Variants in FANCC observed in about 807,000 individuals in gnomAD.
FANCC encodes FA complementation group C, also known as Fanconi anemia group C protein.
In FANCC, 55 loss-of-function variants were observed where a neutral mutation model predicts 71.3. The ratio of observed to expected loss-of-function variants is 0.77; its 90% CI spans 0.62 to 0.97. FANCC has a LOEUF of 0.97. Among genes scored for constraint, FANCC ranks in the 50% least tolerant of loss-of-function variants. The pLI, the probability that FANCC is intolerant of heterozygous loss-of-function variation, is 0.00. For missense variants in FANCC, 678 were observed against 670.9 expected, an observed-to-expected ratio of 1.01 and a Z score of -0.12; for synonymous variants, 275 against 244.9, an observed-to-expected ratio of 1.12 and a Z score of -1.15.
rs920732404 is a variant in FANCC, at chr9:95,210,450, A to G, written c.345+30199T>C. On this transcript the variant is annotated intron_variant, in intron 4 of 14. Transcript: ENST00000289081. The stretch of plus-strand genomic sequence containing the variant: ...TTAATCAGAAACTCAGTTCCCTAAC[A>G]ATGACAATCACAATGACAATAATTA... Among the ~76,000 whole-genome samples, 21 of 152,332 alleles carry G rather than the reference A, an allele frequency of 1.4e-4. No homozygotes were observed. The South Asian group carries it at 1.4e-3, about 11-fold the overall frequency.
At chr9:95,126,492 T>C (rs774121246) in intron 9 of FANCC, 37 bp downstream of exon 9, 58 of 1,594,542 alleles carry the variant, frequency 3.6e-5, no homozygotes, top group Non-Finnish European at 5.0e-5. Context: ...GGAACCTTTT[T>C]TACATCAATT....
intron 1 of FANCC, among the ~76,000 whole-genome samples, chr9:95,282,797 A>C (rs2136274167): frequency 6.6e-6 from 1 of 152,310 alleles, no homozygotes; most frequent in Middle Eastern, 3.4e-3. Flanking sequence ...AAAACTTTAC[A>C]AATACATAGA....
chr9:95,292,459 G>A (rs573472152), intron 1 of FANCC: 53 of 1,274,876 alleles, frequency 4.2e-5, no homozygotes, highest in Non-Finnish European at 4.7e-5. Flanking sequence ...GTGCCCCCGG[G>A]ACCCCGACTG....
At chr9:95,191,834 C>T (rs1827135193) in intron 4 of FANCC, among the ~76,000 whole-genome samples, 1 of 152,128 alleles carries the variant, frequency 6.6e-6, no homozygotes, top group African/African-American at 2.4e-5. Context: ...CTGGATAGGT[C>T]TGCTTCTCTC....
intron 1 of FANCC, among the ~76,000 whole-genome samples, chr9:95,273,796 C>T (rs927163881): frequency 3.9e-5 from 6 of 152,146 alleles, no homozygotes; most frequent in South Asian, 2.1e-4. Context: ...TAGTTTTCTA[C>T]GGGGTCAGTT....
At chr9:95,281,831 T>C (rs1833400377) in intron 1 of FANCC, among the ~76,000 whole-genome samples, 1 of 151,878 alleles carries the variant, frequency 6.6e-6, no homozygotes, top group South Asian at 2.1e-4. Context: ...AAAGTTGCTA[T>C]CAGTGTAAAA....
At chr9:95,261,847 T>C (rs923264585) in intron 1 of FANCC, among the ~76,000 whole-genome samples, 2 of 152,198 alleles carry the variant, frequency 1.3e-5, no homozygotes, top group African/African-American at 4.8e-5. Flanking sequence ...TGCTTGATCC[T>C]GTCCCTGTTT....
chr9:95,153,020 T>G (rs1328929718), intron 6 of FANCC, among the ~76,000 whole-genome samples: 1 of 152,230 alleles, frequency 6.6e-6, no homozygotes, highest in Non-Finnish European at 1.5e-5. Flanking sequence ...CTGGGCTGCA[T>G]GTAGCCCATG....
At chr9:95,183,350 G>A (rs772180655) in intron 4 of FANCC, among the ~76,000 whole-genome samples, 2 of 152,136 alleles carry the variant, frequency 1.3e-5, no homozygotes, top group Non-Finnish European at 2.9e-5. Flanking sequence ...GGCGCTCCAC[G>A]GCAGGCACTG....
At chr9:95,164,188 CAT>C (rs971613405) in intron 6 of FANCC, among the ~76,000 whole-genome samples, 1 of 152,170 alleles carries the variant, frequency 6.6e-6, no homozygotes, top group Non-Finnish European at 1.5e-5. Context: ...GGATTATTAA[CAT>C]ATAAAATCAT....
intron 1 of FANCC, among the ~76,000 whole-genome samples, chr9:95,313,949 A>C (rs1023643475): frequency 1.3e-5 from 2 of 152,248 alleles, no homozygotes; most frequent in Non-Finnish European, 1.5e-5. Flanking sequence ...GATAAAGTGC[A>C]TTTATGAAAA....
intron 6 of FANCC, among the ~76,000 whole-genome samples, chr9:95,151,121 T>A (rs150374902): frequency 8.5e-5 from 13 of 152,276 alleles, no homozygotes; most frequent in Non-Finnish European, 1.8e-4. Flanking sequence ...TCAAGTGCCC[T>A]CTTACCCGTG....
intron 1 of FANCC, among the ~76,000 whole-genome samples, chr9:95,299,816 G>A (rs1024893454): frequency 5.9e-5 from 9 of 152,136 alleles, no homozygotes; most frequent in African/African-American, 1.2e-4. Flanking sequence ...AGCCATGTCC[G>A]CATCACTGCA....
At position 95,194,683 on chromosome 9, in the gene FANCC, T is replaced by C. The variant is rs532968936; in HGVS notation, c.346-22536A>G. The stretch of plus-strand genomic sequence containing the variant: ...TTTCACCTTTTCGTGAAATAGTGTT[T>C]GCCCATTTTCTAACTGGGTTGTTTT... On this transcript the variant is annotated intron_variant, in intron 4 of 14. Coordinates refer to ENST00000289081, the MANE Select transcript of FANCC (RefSeq NM_000136.3). Among the ~76,000 whole-genome samples the C allele has an allele frequency of 3.3e-5, 5 of 152,282 alleles. 1 individual carries two copies. Among genetic ancestry groups the C allele is most frequent in the African/African-American group, 1.2e-4 (5 of 41,564 alleles).
chr9:95,125,042 C>A (rs2134919254), intron 10 of FANCC, 44 bp downstream of exon 10: 1 of 1,517,728 alleles, frequency 6.6e-7, no homozygotes, highest in Non-Finnish European at 9.2e-7. Flanking sequence ...TCAACAGCGT[C>A]TTATTCTCTG....
intron 4 of FANCC, among the ~76,000 whole-genome samples, chr9:95,198,656 T>C (rs1827606299): frequency 6.6e-6 from 1 of 151,736 alleles, no homozygotes; most frequent in Non-Finnish European, 1.5e-5. Flanking sequence ...GATGCATGCA[T>C]CCGTTCATGA....
intron 4 of FANCC, among the ~76,000 whole-genome samples, chr9:95,181,268 T>A (rs778606530): frequency 6.6e-6 from 1 of 151,660 alleles, no homozygotes; most frequent in African/African-American, 2.4e-5. Flanking sequence ...GCCACAAGAG[T>A]TTTTTCCCTG....
chr9:95,278,688 T>C (rs1833190533), intron 1 of FANCC, among the ~76,000 whole-genome samples: 1 of 152,154 alleles, frequency 6.6e-6, no homozygotes, highest in South Asian at 2.1e-4. Flanking sequence ...ACTTACAATA[T>C]TTTCAACTTA....
At chr9:95,185,430 T>C (rs1785823834) in intron 4 of FANCC, among the ~76,000 whole-genome samples, 1 of 152,242 alleles carries the variant, frequency 6.6e-6, no homozygotes, top group South Asian at 2.1e-4. Flanking sequence ...TAATAATGAA[T>C]GGTTGGACTT....
Sources: gnomAD v4.1 joint callset for allele counts (sites outside exome capture counted in the v4.1 genomes callset) on GRCh38, gnomAD v4.1.1 for gene constraint, MANE v1.5 for transcripts, NCBI Gene and HGNC (gene_info 2026-07-23, HGNC 2026-07-21) for gene names.